The following PTPRD variants were observed in gnomAD, a reference collection of about 807,000 sequenced individuals.
The protein encoded by PTPRD is protein tyrosine phosphatase receptor type D.
In PTPRD, 34 loss-of-function variants were observed where a neutral mutation model predicts 214.5. The ratio of observed to expected loss-of-function variants is 0.16; its 90% CI spans 0.12 to 0.21. The LOEUF (loss-of-function observed/expected upper bound fraction) is 0.21. Among genes scored for constraint, PTPRD ranks in the 10% least tolerant of loss-of-function variants. The probability of loss-of-function intolerance (pLI) is 1.00; values close to 1 mark genes in which losing one functional copy is unlikely to be tolerated. For missense variants in PTPRD, 2,545 were observed against 2,398.7 expected (o/e 1.06, Z -1.27); for synonymous variants, 1,128 against 845.7 (o/e 1.33, Z -5.79).
chr9:8,995,185 T>C (rs1198779035), intron 11 of PTPRD, among the ~76,000 whole-genome samples: 1 of 152,088 alleles, frequency 6.6e-6, no homozygotes, highest in African/African-American at 2.4e-5. Context: ...AAATGCAATA[T>C]TTTAGACAGT....
At chr9:9,977,375 G>A (rs1346448341) in intron 4 of PTPRD, among the ~76,000 whole-genome samples, 2 of 152,142 alleles carry the variant, frequency 1.3e-5, no homozygotes, top group East Asian at 3.8e-4. Flanking sequence ...TATAATGTGA[G>A]ATTTCAAACA....
At chr9:9,244,336 C>T (rs2099971884) in intron 9 of PTPRD, among the ~76,000 whole-genome samples, 2 of 152,062 alleles carry the variant, frequency 1.3e-5, no homozygotes, top group Non-Finnish European at 2.9e-5. Context: ...CAAGTCAATC[C>T]TAAGCCAAAA....
chr9:8,917,620 A>G (rs1172654524), intron 11 of PTPRD, among the ~76,000 whole-genome samples: 2 of 151,948 alleles, frequency 1.3e-5, no homozygotes, highest in African/African-American at 4.8e-5. Flanking sequence ...TTCTCAGCCA[A>G]TCTGGAGAAC....
At chr9:8,669,856 A>G (rs2097247244) in intron 12 of PTPRD, among the ~76,000 whole-genome samples, 1 of 152,172 alleles carries the variant, frequency 6.6e-6, no homozygotes, top group Admixed American at 6.5e-5. Flanking sequence ...CTAGAGAGTG[A>G]GCAGTACTGT....
chr9:9,929,074 A>G (rs1430868288), intron 5 of PTPRD, among the ~76,000 whole-genome samples: 6 of 152,156 alleles, frequency 3.9e-5, no homozygotes. Flanking sequence ...AATTGAGCCT[A>G]AGCAATAGAT....
Position 8,389,422 on chromosome 9 carries a change from G to C in PTPRD, c.4211-15C>G, listed in dbSNP as rs777430602. On this transcript the variant is annotated splice_polypyrimidine_tract_variant and intron_variant, in intron 36 of 45. Coordinates refer to ENST00000381196, the MANE Select transcript of PTPRD (RefSeq NM_002839.4). ...TCCTGGGATCCCTGGAAAACAAGGA[G>C]TGTTATTCAACCAGGTGAGCACATC... 3.8e-6 allele frequency: 6 copies of C among 1,599,870 alleles called. No individual in the cohort carries two copies. Among genetic ancestry groups the C allele is most frequent in the Non-Finnish European group, 5.1e-6 (6 of 1,172,940 alleles).
At chr9:9,059,702 T>C (rs905898070) in intron 10 of PTPRD, among the ~76,000 whole-genome samples, 2 of 152,036 alleles carry the variant, frequency 1.3e-5, no homozygotes, top group African/African-American at 4.8e-5. Context: ...TATACAAAGA[T>C]GAAATATCAA....
chr9:10,444,285 A>G (rs2098782916), intron 2 of PTPRD, among the ~76,000 whole-genome samples: 1 of 151,884 alleles, frequency 6.6e-6, no homozygotes, highest in Non-Finnish European at 1.5e-5. Flanking sequence ...TTCAAAATAG[A>G]CAATATCTAA....
At chr9:9,409,581 A>G (rs1238783497) in intron 8 of PTPRD, among the ~76,000 whole-genome samples, 3 of 152,076 alleles carry the variant, frequency 2.0e-5, no homozygotes, top group African/African-American at 7.2e-5. Flanking sequence ...TAAAATTTCT[A>G]CTGAAAAACA....
At chr9:9,873,320 C>G (rs1022108838) in intron 5 of PTPRD, among the ~76,000 whole-genome samples, 2 of 152,082 alleles carry the variant, frequency 1.3e-5, no homozygotes, top group Non-Finnish European at 2.9e-5. Flanking sequence ...TAACCTGCAC[C>G]TCTCCTTCCT....
chr9:8,766,187 G>GAAA, intron 11 of PTPRD, among the ~76,000 whole-genome samples: 1 of 121,994 alleles, frequency 8.2e-6, no homozygotes, highest in South Asian at 2.7e-4. Context: ...TACCACTGAT[G>GAAA]AAAAAAAAAA....
At chr9:9,181,901 C>T (rs552199821) in intron 10 of PTPRD, among the ~76,000 whole-genome samples, 157 of 152,110 alleles carry the variant, frequency 1.0e-3, no homozygotes, top group African/African-American at 3.6e-3. Context: ...AAACAAGTGG[C>T]TTTTAAATGA....
intron 3 of PTPRD, among the ~76,000 whole-genome samples, chr9:10,082,808 C>T (rs889183349): frequency 3.5e-5 from 5 of 141,380 alleles, no homozygotes; most frequent in Admixed American, 7.1e-5. Context: ...TCTTCTACTC[C>T]TCCTACACAC....
At chr9:9,348,264 C>G (rs769189308) in intron 9 of PTPRD, among the ~76,000 whole-genome samples, 4 of 151,952 alleles carry the variant, frequency 2.6e-5, no homozygotes, top group Non-Finnish European at 4.4e-5. Context: ...TTAAAAAATC[C>G]TTTGGTTAGA....
intron 7 of PTPRD, among the ~76,000 whole-genome samples, chr9:9,720,401 G>C (rs1215618236): frequency 6.6e-6 from 1 of 152,154 alleles, no homozygotes; most frequent in Non-Finnish European, 1.5e-5. Context: ...CATTTCCATA[G>C]CTATATATGT....
At chr9:9,079,636 G>C (rs929228571) in intron 10 of PTPRD, among the ~76,000 whole-genome samples, 1 of 152,072 alleles carries the variant, frequency 6.6e-6, no homozygotes, top group African/African-American at 2.4e-5. Flanking sequence ...CCCTGAATTA[G>C]TTAGCTGTCG....
chr9:9,767,939 A>G (rs898425816), intron 5 of PTPRD, among the ~76,000 whole-genome samples: 5 of 152,160 alleles, frequency 3.3e-5, no homozygotes, highest in African/African-American at 1.2e-4. Context: ...TGATGGAAGG[A>G]AATCAGGTTA....
At chr9:10,473,962 C>T (rs1480910822) in intron 2 of PTPRD, among the ~76,000 whole-genome samples, 1 of 151,992 alleles carries the variant, frequency 6.6e-6, no homozygotes, top group Non-Finnish European at 1.5e-5. Flanking sequence ...ACCAGGCCTG[C>T]TTTACAAGAG....
intron 8 of PTPRD, among the ~76,000 whole-genome samples, chr9:9,462,384 T>A (rs1310346399): frequency 1.3e-5 from 2 of 152,166 alleles, no homozygotes; most frequent in African/African-American, 4.8e-5. Context: ...TTCATATTCA[T>A]GTATTTGTAA....
Sources: allele counts gnomAD v4.1 joint callset (sites outside exome capture counted in the v4.1 genomes callset), GRCh38; gene constraint gnomAD v4.1.1; transcripts MANE v1.5; gene names NCBI Gene and HGNC (gene_info 2026-07-23, HGNC 2026-07-21).